The following THSD7A variants were observed in gnomAD, a reference collection of about 807,000 sequenced individuals.
THSD7A encodes thrombospondin type-1 domain-containing protein 7A.
In THSD7A, 96 loss-of-function variants were observed where a neutral mutation model predicts 231.3. That is an observed-to-expected ratio of 0.41 (90% CI 0.35 to 0.49). The LOEUF (loss-of-function observed/expected upper bound fraction) is 0.49. Ranked by LOEUF, THSD7A falls within the 20% of genes least tolerant of loss-of-function variation. The pLI is 0.05. For missense variants in THSD7A, 2,290 were observed against 2,070.2 expected, an observed-to-expected ratio of 1.11 and a Z score of -2.06; for synonymous variants, 940 against 743.3, an observed-to-expected ratio of 1.26 and a Z score of -4.30.
At chr7:11,568,624 C>CAAAAAAAA (rs33930587) in intron 4 of THSD7A, among the ~76,000 whole-genome samples, 4 of 48,996 alleles carry the variant, frequency 8.2e-5, no homozygotes, top group Non-Finnish European at 1.2e-4. Flanking sequence ...AACTCCGTCT[C>CAAAAAAAA]AAAAAAAAAA....
chr7:11,425,798 A>C (rs954610327), intron 15 of THSD7A, among the ~76,000 whole-genome samples: 1 of 152,010 alleles, frequency 6.6e-6, no homozygotes, highest in South Asian at 2.1e-4. Flanking sequence ...AGAGAGAGAG[A>C]AAGGGAAGAG....
At chr7:11,393,068 C>CTCT (rs1783047103) in intron 23 of THSD7A, among the ~76,000 whole-genome samples, 1 of 152,188 alleles carries the variant, frequency 6.6e-6, no homozygotes, top group African/African-American at 2.4e-5. Context: ...CGAAGTGGGT[C>CTCT]CCTGACCCCT....
At chr7:11,434,421 T>C (rs1784568825) in intron 13 of THSD7A, among the ~76,000 whole-genome samples, 1 of 152,102 alleles carries the variant, frequency 6.6e-6, no homozygotes, top group African/African-American at 2.4e-5. Context: ...CATATTGCCT[T>C]TGAGATACAC....
In THSD7A at chr7:11,536,200, G is replaced by A. The variant is rs910070965; in HGVS notation, c.1822+5219C>T. Among the ~76,000 whole-genome samples the A allele has an allele frequency of 1.2e-4, 18 of 152,220 alleles. 1 individual carries two copies. Among genetic ancestry groups the A allele is most frequent in the Admixed American group, 2.6e-4 (4 of 15,272 alleles). On this transcript the variant is annotated intron_variant, in intron 6 of 27. Coordinates refer to ENST00000423059, the MANE Select transcript of THSD7A (RefSeq NM_015204.3). ...ATCCAGGAACCTCCTAAGTGGCAGC[G>A]GACTGGAAAACTGCATATTCTCGTG...
At chr7:11,784,450 C>T (rs1023166184) in intron 1 of THSD7A, among the ~76,000 whole-genome samples, 1 of 151,710 alleles carries the variant, frequency 6.6e-6, no homozygotes, top group East Asian at 1.9e-4. Context: ...CTCAATGTCT[C>T]TTCTTTCATA....
At chr7:11,460,466 G>A (rs1389374182) in intron 11 of THSD7A, among the ~76,000 whole-genome samples, 196 bp downstream of exon 11, 1 of 152,138 alleles carries the variant, frequency 6.6e-6, no homozygotes, top group African/African-American at 2.4e-5. Context: ...CAAGAATTAT[G>A]AGCTAATGCC....
chr7:11,401,919 G>A lies in THSD7A; in HGVS notation c.4287C>T (p.Thr1429=). 6.2e-7 allele frequency: 1 copy of A among 1,613,570 alleles called. No individual in the cohort carries two copies. Among genetic ancestry groups the A allele is most frequent in the Non-Finnish European group, 8.5e-7 (1 of 1,179,756 alleles). The stretch of plus-strand genomic sequence containing the variant: ...AGCCTAGATCCTCACCATTCACACA[G>A]GTCAGCTGACACAGGCTCCAGGAAG... The part of the protein sequence containing the change: ...DWSSWSLCQL[T]CVNGEDLGFG... Residue 1429 remains threonine (T), a synonymous_variant, in exon 23 of 28, where the codon ACC becomes ACT. Transcript: ENST00000423059.
chr7:11,785,492 G>A (rs1783761320), intron 1 of THSD7A, among the ~76,000 whole-genome samples: 1 of 152,096 alleles, frequency 6.6e-6, no homozygotes, highest in African/African-American at 2.4e-5. Context: ...ATTTTGTAAA[G>A]GGAGGTTTCT....
chr7:11,781,862 T>C (rs1012403161), intron 1 of THSD7A, among the ~76,000 whole-genome samples: 4 of 152,204 alleles, frequency 2.6e-5, no homozygotes, highest in African/African-American at 9.7e-5. Flanking sequence ...GTGCATTTTT[T>C]TTCTAATATG....
chr7:11,479,763 T>G lies in THSD7A; in HGVS notation c.2017+2025A>C, dbSNP rs533187296. Among the ~76,000 whole-genome samples, 7 of 152,302 alleles carry G rather than the reference T, an allele frequency of 4.6e-5. No individual in the cohort carries two copies. In the South Asian group the frequency reaches 6.2e-4, roughly 14 times the overall value. ...TCCACTAATAGGTACTAAATAGGCT[T>G]TGAAGTATAAATTTCACATAATTAT... On this transcript the variant is annotated intron_variant, in intron 7 of 27. Coordinates refer to ENST00000423059, the MANE Select transcript of THSD7A (RefSeq NM_015204.3).
At chr7:11,549,373 T>C (rs1354088210) in intron 4 of THSD7A, among the ~76,000 whole-genome samples, 1 of 151,918 alleles carries the variant, frequency 6.6e-6, no homozygotes, top group Admixed American at 6.6e-5. Context: ...AGTGTGGTGA[T>C]TCCTCAGAGA....
chr7:11,454,246 G>T (rs939420383), intron 11 of THSD7A, among the ~76,000 whole-genome samples: 1 of 151,774 alleles, frequency 6.6e-6, no homozygotes, highest in African/African-American at 2.4e-5. Flanking sequence ...TTGCCAAATC[G>T]TGTCAATGTC....
chr7:11,391,963 C>G (rs1325196463), intron 23 of THSD7A, among the ~76,000 whole-genome samples: 1 of 152,034 alleles, frequency 6.6e-6, no homozygotes, highest in Non-Finnish European at 1.5e-5. Flanking sequence ...GAATTGGGTA[C>G]CTCAATTGGA....
chr7:11,752,309 C>T (rs1389302501), intron 1 of THSD7A, among the ~76,000 whole-genome samples: 1 of 151,966 alleles, frequency 6.6e-6, no homozygotes, highest in Non-Finnish European at 1.5e-5. Flanking sequence ...TTTTCCATGC[C>T]TCGACATCAA....
At chr7:11,600,174 C>T (rs1246078921) in intron 2 of THSD7A, among the ~76,000 whole-genome samples, 1 of 151,910 alleles carries the variant, frequency 6.6e-6, no homozygotes, top group East Asian at 1.9e-4. Context: ...AATAACTTAA[C>T]ACCATATTGT....
chr7:11,713,280 A>G (rs570270478), intron 1 of THSD7A, among the ~76,000 whole-genome samples: 32 of 151,308 alleles, frequency 2.1e-4, no homozygotes, highest in Non-Finnish European at 4.6e-4. Flanking sequence ...AATAGGTTAA[A>G]AAGACAAATA....
chr7:11,806,167 G>GT (rs1286510485), intron 1 of THSD7A, among the ~76,000 whole-genome samples: 5 of 152,060 alleles, frequency 3.3e-5, no homozygotes, highest in Non-Finnish European at 5.9e-5. Flanking sequence ...AATAATTCAC[G>GT]TAAGTCTTCC....
chr7:11,829,711 G>T (rs185033803), intron 1 of THSD7A, among the ~76,000 whole-genome samples: 138 of 151,496 alleles, frequency 9.1e-4, no homozygotes, highest in Non-Finnish European at 1.4e-3. Flanking sequence ...TTTCATTTAT[G>T]GTATATCTTT....
chr7:11,688,141 A>G (rs1458898886), intron 1 of THSD7A, among the ~76,000 whole-genome samples: 1 of 139,686 alleles, frequency 7.2e-6, no homozygotes, highest in African/African-American at 2.7e-5. Flanking sequence ...ATTCCCACCT[A>G]TGAGTGAGAA....
Sources: allele counts gnomAD v4.1 joint callset (sites outside exome capture counted in the v4.1 genomes callset), GRCh38; gene constraint gnomAD v4.1.1; transcripts MANE v1.5; gene names NCBI Gene and HGNC (gene_info 2026-07-23, HGNC 2026-07-21).